Variants in NDUFAF2 observed in about 807,000 individuals in gnomAD.
NDUFAF2 encodes the protein NADH dehydrogenase [ubiquinone] 1 alpha subcomplex assembly factor 2.
NDUFAF2 carries 13 observed loss-of-function variants against 22.8 expected under a neutral mutation model. The observed-to-expected ratio is 0.57, with a 90% CI of 0.37 to 0.91. The LOEUF (loss-of-function observed/expected upper bound fraction) is 0.91, where lower values mean the gene tolerates loss of function less well. NDUFAF2 is among the 40% of genes least tolerant of loss of function. The pLI, the probability that NDUFAF2 is intolerant of heterozygous loss-of-function variation, is 0.01. For missense variants in NDUFAF2, 162 were observed against 195.2 expected, an observed-to-expected ratio of 0.83 and a Z score of 1.01; for synonymous variants, 53 against 64.2, an observed-to-expected ratio of 0.83 and a Z score of 0.84.
intron 3 of NDUFAF2, among the ~76,000 whole-genome samples, chr5:61,152,224 T>G (rs954388031): frequency 4.6e-5 from 7 of 152,032 alleles, no homozygotes; most frequent in African/African-American, 1.5e-4. Context: ...AGGGAAATAT[T>G]AATAGATGAG....
At chr5:61,027,338 TTAAA>T (rs1561545264) in intron 1 of NDUFAF2, among the ~76,000 whole-genome samples, 2 of 151,564 alleles carry the variant, frequency 1.3e-5, no homozygotes, top group Admixed American at 6.6e-5. Context: ...TCTTTAGGTG[TTAAA>T]TAAGCATAAT....
At chr5:60,959,333 G>A (rs1750655464) in intron 1 of NDUFAF2, among the ~76,000 whole-genome samples, 1 of 151,904 alleles carries the variant, frequency 6.6e-6, no homozygotes, top group African/African-American at 2.4e-5. Flanking sequence ...ATTTGAAGGA[G>A]TAATCATTTC....
intron 3 of NDUFAF2, among the ~76,000 whole-genome samples, chr5:61,112,034 G>A (rs1018740648): frequency 1.3e-5 from 2 of 152,130 alleles, no homozygotes; most frequent in South Asian, 4.1e-4. Context: ...TGGGATTACA[G>A]GCGTGAGCCA....
intron 1 of NDUFAF2, among the ~76,000 whole-genome samples, chr5:60,990,931 G>C (rs1751150021): frequency 1.3e-5 from 2 of 152,086 alleles, no homozygotes; most frequent in African/African-American, 4.8e-5. Context: ...GAGATTTGGA[G>C]AGTTTGTGAC....
chr5:61,084,265 T>C (rs1752479108), intron 2 of NDUFAF2, among the ~76,000 whole-genome samples: 1 of 151,834 alleles, frequency 6.6e-6, no homozygotes. Context: ...ATTTATTACA[T>C]TGATTGATTT....
chr5:61,119,119 T>G (rs543714694), intron 3 of NDUFAF2, among the ~76,000 whole-genome samples: 4 of 152,300 alleles, frequency 2.6e-5, no homozygotes, highest in Non-Finnish European at 5.9e-5. Flanking sequence ...ATGGGATACT[T>G]GAAATTTGAA....
intron 1 of NDUFAF2, among the ~76,000 whole-genome samples, chr5:60,958,949 T>C (rs879771321): frequency 1.3e-5 from 2 of 152,130 alleles, no homozygotes; most frequent in Admixed American, 6.5e-5. Context: ...CTCAAACTTG[T>C]TAAGATACCC....
chr5:60,984,475 C>G lies in NDUFAF2; in HGVS notation c.127+39093C>G, dbSNP rs181030506. ...GAGAGAGGGCATCCCTGTCTTGTGCCAGTTTTCAAAGGGAATGTTTCCAGT... is the reference window on the plus strand; with the variant it reads ...GAGAGAGGGCATCCCTGTCTTGTGCGAGTTTTCAAAGGGAATGTTTCCAGT... On this transcript the variant is annotated intron_variant, in intron 1 of 3. Transcript: ENST00000296597. Among the ~76,000 whole-genome samples the G allele has an allele frequency of 2.0e-5, 3 of 152,188 alleles. No homozygotes were observed. The East Asian group carries it at 5.8e-4, about 29-fold the overall frequency.
intron 3 of NDUFAF2, among the ~76,000 whole-genome samples, chr5:61,119,318 G>C (rs1201132671): frequency 6.6e-6 from 1 of 152,022 alleles, no homozygotes; most frequent in Admixed American, 6.6e-5. Flanking sequence ...GACTTCTTTT[G>C]TACATACCAA....
intron 3 of NDUFAF2, chr5:61,114,864 T>A (rs2111789732): frequency 6.6e-6 from 1 of 152,362 alleles, no homozygotes; most frequent in South Asian, 2.1e-4. Flanking sequence ...AGGCAAAGGC[T>A]CTTGTTGTCT....
chr5:60,949,305 A>G (rs1750509267), intron 1 of NDUFAF2, among the ~76,000 whole-genome samples: 1 of 152,204 alleles, frequency 6.6e-6, no homozygotes, highest in Non-Finnish European at 1.5e-5. Flanking sequence ...CTTATACCAT[A>G]TGTAACCTTT....
At chr5:61,009,468 A>G (rs1751415695) in intron 1 of NDUFAF2, among the ~76,000 whole-genome samples, 1 of 152,140 alleles carries the variant, frequency 6.6e-6, no homozygotes, top group Admixed American at 6.6e-5. Context: ...GATTTATAGC[A>G]ATGATACTTA....
intron 1 of NDUFAF2, among the ~76,000 whole-genome samples, chr5:61,063,152 T>C (rs1298541559): frequency 1.3e-5 from 2 of 152,036 alleles, no homozygotes; most frequent in East Asian, 3.9e-4. Flanking sequence ...CAGAATACTT[T>C]AGTATTGTAA....
chr5:61,071,954 T>C (rs930704282), intron 1 of NDUFAF2, among the ~76,000 whole-genome samples: 2 of 152,372 alleles, frequency 1.3e-5, no homozygotes, highest in East Asian at 3.9e-4. Context: ...ATGCCTTCTG[T>C]ATAAACTTAA....
chr5:60,945,554 G>A (rs928690503), intron 1 of NDUFAF2, 172 bp downstream of exon 1: 29 of 986,272 alleles, frequency 2.9e-5, no homozygotes, highest in Middle Eastern at 5.1e-4. Context: ...TGGCATCGGA[G>A]CCCTACCCGG....
intron 1 of NDUFAF2, among the ~76,000 whole-genome samples, chr5:61,003,531 T>C (rs1408200216): frequency 6.6e-6 from 1 of 151,978 alleles, no homozygotes; most frequent in Non-Finnish European, 1.5e-5. Flanking sequence ...AGATAACTAA[T>C]TTTTATGGCA....
In NDUFAF2 at chr5:60,983,676, G is replaced by C. The variant is rs1324242992; in HGVS notation, c.127+38294G>C. Reference sequence around the variant, plus strand: ...ATAGGGAATCCTTTCCCCATTTCTTGTTTTTGTCAGGTTTGTCAAAGATCA... The same window carrying C: ...ATAGGGAATCCTTTCCCCATTTCTTCTTTTTGTCAGGTTTGTCAAAGATCA... On this transcript the variant is annotated intron_variant, in intron 1 of 3. Transcript: ENST00000296597. Among the ~76,000 whole-genome samples, 3 of 151,096 alleles carry C rather than the reference G, an allele frequency of 2.0e-5. No individual in the cohort carries two copies. The East Asian group carries it at 5.9e-4, about 30-fold the overall frequency.
At chr5:60,949,540 A>G (rs987683856) in intron 1 of NDUFAF2, among the ~76,000 whole-genome samples, 4 of 152,130 alleles carry the variant, frequency 2.6e-5, no homozygotes, top group Non-Finnish European at 4.4e-5. Flanking sequence ...ATAAGTTTTC[A>G]TTTTCCATGA....
chr5:61,102,186 A>G (rs1752712353), intron 3 of NDUFAF2, among the ~76,000 whole-genome samples: 1 of 152,152 alleles, frequency 6.6e-6, no homozygotes, highest in Non-Finnish European at 1.5e-5. Flanking sequence ...ATTTGAAAAT[A>G]TATTTGGAAA....
Sources: gnomAD v4.1 joint callset for allele counts (sites outside exome capture counted in the v4.1 genomes callset) on GRCh38, gnomAD v4.1.1 for gene constraint, MANE v1.5 for transcripts, NCBI Gene and HGNC (gene_info 2026-07-23, HGNC 2026-07-21) for gene names.